Variants in APBA2 observed in about 807,000 individuals in gnomAD.
APBA2 encodes amyloid beta precursor protein binding family A member 2.
A neutral mutation model predicts 75.0 loss-of-function variants in APBA2; 30 were observed. That is an observed-to-expected ratio of 0.40 (90% CI 0.30 to 0.54). The LOEUF is 0.54. Ranked by LOEUF, APBA2 falls within the 20% of genes least tolerant of loss-of-function variation. The probability of loss-of-function intolerance (pLI) is 0.49; values close to 1 mark genes in which losing one functional copy is unlikely to be tolerated. For missense variants in APBA2, 801 were observed against 1,016.1 expected (o/e 0.79, Z 2.88); for synonymous variants, 444 against 409.6 (o/e 1.08, Z -1.01).
intron 2 of APBA2, among the ~76,000 whole-genome samples, chr15:28,967,779 A>C (rs950036519): frequency 2.0e-5 from 3 of 152,020 alleles, no homozygotes; most frequent in African/African-American, 7.3e-5. Flanking sequence ...TTTAGTTCTT[A>C]ATTGTGGCAA....
chr15:29,077,681 A>C (rs1398861076), intron 6 of APBA2, among the ~76,000 whole-genome samples: 1 of 152,244 alleles, frequency 6.6e-6, no homozygotes. Flanking sequence ...AACTGCTGTG[A>C]CCAGCTAGAA....
intron 13 of APBA2, among the ~76,000 whole-genome samples, chr15:29,113,401 T>C (rs1329915377): frequency 6.6e-6 from 1 of 152,120 alleles, no homozygotes; most frequent in Non-Finnish European, 1.5e-5. Flanking sequence ...ATGTAGACCA[T>C]TTGGGCATCC....
At chr15:28,989,005 T>G (rs2038076034) in intron 2 of APBA2, among the ~76,000 whole-genome samples, 1 of 152,222 alleles carries the variant, frequency 6.6e-6, no homozygotes, top group Admixed American at 6.5e-5. Context: ...AAGTGCTGTC[T>G]ACATGAGGTA....
At chr15:29,102,208 G>C in intron 10 of APBA2, 1 of 280,378 alleles carries the variant, frequency 3.6e-6, no homozygotes, top group Non-Finnish European at 6.9e-6. Context: ...TTCAGAGGAA[G>C]TAAAAAGTGA....
chr15:28,966,082 T>C (rs1435677832), intron 2 of APBA2, among the ~76,000 whole-genome samples: 4 of 148,742 alleles, frequency 2.7e-5, no homozygotes, highest in African/African-American at 1.0e-4. Flanking sequence ...TTTTAATTTT[T>C]TTGAATTTAT....
chr15:29,090,834 C>T (rs2043527430), intron 6 of APBA2, among the ~76,000 whole-genome samples: 1 of 152,134 alleles, frequency 6.6e-6, no homozygotes, highest in Non-Finnish European at 1.5e-5. Flanking sequence ...AGGCCTACCT[C>T]AGGCGCTGGG....
intron 6 of APBA2, among the ~76,000 whole-genome samples, chr15:29,087,669 C>G (rs2043349398): frequency 6.6e-6 from 1 of 152,234 alleles, no homozygotes; most frequent in Non-Finnish European, 1.5e-5. Context: ...CACGCCTTAG[C>G]TCTGCAGCAG....
chr15:29,063,920 C>T (rs1947476227), intron 4 of APBA2, among the ~76,000 whole-genome samples: 1 of 152,014 alleles, frequency 6.6e-6, no homozygotes, highest in Non-Finnish European at 1.5e-5. Flanking sequence ...CTGGTCAGGG[C>T]CACACTGGAG....
chr15:28,901,193 C>T (rs978217865), intron 1 of APBA2, among the ~76,000 whole-genome samples: 1 of 152,208 alleles, frequency 6.6e-6, no homozygotes, highest in African/African-American at 2.4e-5. Context: ...TGGCTCTGTC[C>T]GGTGCTTGGG....
chr15:28,964,022 C>T (rs1393418162), intron 2 of APBA2, among the ~76,000 whole-genome samples: 1 of 152,256 alleles, frequency 6.6e-6, no homozygotes, highest in Admixed American at 6.5e-5. Flanking sequence ...TAGCCACATG[C>T]ACAGTCCCTC....
At chr15:28,922,053 T>C (rs1439923132) in intron 2 of APBA2, among the ~76,000 whole-genome samples, 1 of 152,218 alleles carries the variant, frequency 6.6e-6, no homozygotes, top group East Asian at 1.9e-4. Flanking sequence ...ATCCTGTCCC[T>C]GGAGTGCCCC....
At chr15:29,060,452 GT>G (rs1275107640) in intron 4 of APBA2, among the ~76,000 whole-genome samples, 2 of 152,222 alleles carry the variant, frequency 1.3e-5, no homozygotes, top group African/African-American at 4.8e-5. Flanking sequence ...GTCCAGTTCT[GT>G]TCAGTCCGCG....
chr15:28,905,805 C>T (rs1187762019), intron 1 of APBA2, among the ~76,000 whole-genome samples: 1 of 152,164 alleles, frequency 6.6e-6, no homozygotes, highest in African/African-American at 2.4e-5. Context: ...CTGGCTCCAT[C>T]AATGGGGGCT....
In APBA2 at chr15:29,037,637, C is replaced by G. The variant is rs200534170; in HGVS notation, c.-40-16208C>G. ...CAGAGTGACTGGGACCCTTGACTCT[C>G]CTTGTTAGAGGGTGTGTTTGTCCAT... On this transcript the variant is annotated intron_variant, in intron 3 of 14. Transcript: ENST00000683413. Among the ~76,000 whole-genome samples the G allele has an allele frequency of 9.9e-5, 15 of 152,218 alleles. 1 individual carries two copies. The East Asian group carries it at 2.1e-3, about 22-fold the overall frequency.
chr15:28,951,001 A>G (rs1281918073), intron 2 of APBA2, among the ~76,000 whole-genome samples: 1 of 152,112 alleles, frequency 6.6e-6, no homozygotes, highest in Admixed American at 6.5e-5. Flanking sequence ...TTTTTTGAGT[A>G]CAGTCAGTTG....
chr15:28,978,960 T>A (rs2037481062), intron 2 of APBA2, among the ~76,000 whole-genome samples: 1 of 152,198 alleles, frequency 6.6e-6, no homozygotes, highest in South Asian at 2.1e-4. Context: ...GACAAGAAGT[T>A]CTTAAAATCC....
At position 28,997,443 on chromosome 15, in the gene APBA2, C is replaced by T. The variant is rs74956259; in HGVS notation, c.-41+1637C>T. On this transcript the variant is annotated intron_variant, in intron 3 of 14. Transcript: ENST00000683413. ...CTTAGGGTTGTAAACATACTTCAGC[C>T]GTAATGACATTAGATACATCATCCA... Among the ~76,000 whole-genome samples the T allele has an allele frequency of 5.5e-3, 843 of 152,246 alleles. 7 individuals are homozygous for T. Among genetic ancestry groups the T allele is most frequent in the African/African-American group, 0.019 (776 of 41,530 alleles).
At chr15:29,067,925 G>C (rs756954477) in intron 4 of APBA2, among the ~76,000 whole-genome samples, 1 of 152,114 alleles carries the variant, frequency 6.6e-6, no homozygotes, top group Non-Finnish European at 1.5e-5. Context: ...TGGACTCCTC[G>C]TATTAGGAGA....
At chr15:29,004,466 C>T (rs2039009100) in intron 3 of APBA2, among the ~76,000 whole-genome samples, 1 of 152,160 alleles carries the variant, frequency 6.6e-6, no homozygotes, top group Non-Finnish European at 1.5e-5. Context: ...GGTGTAGCAC[C>T]GTGGTTCTCA....
Sources: gnomAD v4.1 joint callset for allele counts (sites outside exome capture counted in the v4.1 genomes callset) on GRCh38, gnomAD v4.1.1 for gene constraint, MANE v1.5 for transcripts, NCBI Gene and HGNC (gene_info 2026-07-23, HGNC 2026-07-21) for gene names.